COL4A3: variants seen among roughly 807,000 people sequenced by gnomAD.
COL4A3 encodes collagen alpha-3(IV) chain.
COL4A3 carries 135 observed loss-of-function variants against 217.4 expected under a neutral mutation model. The ratio of observed to expected loss-of-function variants is 0.62; its 90% CI spans 0.54 to 0.72. The LOEUF (loss-of-function observed/expected upper bound fraction) is 0.72. Among genes scored for constraint, COL4A3 ranks in the 30% least tolerant of loss-of-function variants. The pLI is 0.00. For synonymous variants in COL4A3, 690 were observed against 736.3 expected (o/e 0.94, Z 1.02); for missense variants, 1,868 against 2,119.9 (o/e 0.88, Z 2.33).
chr2:227,228,869 C>A (rs890073029), intron 1 of COL4A3, among the ~76,000 whole-genome samples: 1 of 152,158 alleles, frequency 6.6e-6, no homozygotes, highest in Non-Finnish European at 1.5e-5. Flanking sequence ...GATAAACCCT[C>A]AACTCAGGAG....
intron 3 of COL4A3, among the ~76,000 whole-genome samples, chr2:227,241,480 C>T (rs2069015905): frequency 6.6e-6 from 1 of 152,010 alleles, no homozygotes; most frequent in African/African-American, 2.4e-5. Flanking sequence ...TTGAGGTCAA[C>T]CTGGGCAACA....
At chr2:227,299,237 T>C (rs568548254) in intron 43 of COL4A3, among the ~76,000 whole-genome samples, 1 of 152,008 alleles carries the variant, frequency 6.6e-6, no homozygotes, top group Admixed American at 6.6e-5. Context: ...CTACTAAAAA[T>C]ACAAAAAATT....
At chr2:227,262,008 G>T (rs1230461475) in intron 20 of COL4A3, among the ~76,000 whole-genome samples, 1 of 152,124 alleles carries the variant, frequency 6.6e-6, no homozygotes, top group Non-Finnish European at 1.5e-5. Context: ...CTGGGCATGT[G>T]CCCTGCCACT....
Position 227,248,336 on chromosome 2 carries a change from C to T in COL4A3, c.469-107C>T, listed in dbSNP as rs780818056. The T allele has an allele frequency of 1.3e-5, 10 of 783,998 alleles. 1 individual carries two copies. Among genetic ancestry groups the T allele is most frequent in the South Asian group, 1.2e-4 (9 of 73,114 alleles). The allele number at this position is 783,998 out of a possible 1,614,324, so 48.6% of individuals were successfully genotyped here. ...ATAAATCATTTCTCTGAGTACATAA[C>T]TTGAAAAGCATTTTTATCTTTGAAG... is the stretch of plus-strand genomic sequence containing the variant. On this transcript the variant is annotated intron_variant, in intron 8 of 51. Coordinates refer to ENST00000396578, the MANE Select transcript of COL4A3 (RefSeq NM_000091.5).
chr2:227,210,382 G>T (rs2125785988), intron 1 of COL4A3, among the ~76,000 whole-genome samples: 1 of 152,270 alleles, frequency 6.6e-6, no homozygotes, highest in African/African-American at 2.4e-5. Context: ...CCTGAGGTCA[G>T]AAGTTCAAGA....
rs1396250551 is a variant in COL4A3 at position 227,270,865 on chromosome 2, G to A, written c.1671G>A (p.Gly557=). The A allele has an allele frequency of 6.2e-7, 1 of 1,614,202 alleles. No individual in the cohort carries two copies. The highest frequency in any genetic ancestry group is 8.5e-7 in the Non-Finnish European group (1 of 1,180,028). Residue 557 remains glycine (G), a synonymous_variant, in exon 25 of 52, where the codon GGG becomes GGA. Transcript: ENST00000396578. ...AAGTGGGTGTCCCAGGTGACCCGGG[G>A]CTCAGAGGCCAACCTGGGAGAAAGG... is the stretch of plus-strand genomic sequence containing the variant. ...EGQVGVPGDP[G]LRGQPGRKGL... is the part of the protein sequence containing the mutation.
chr2:227,229,811 G>A (rs147780966), intron 1 of COL4A3, among the ~76,000 whole-genome samples: 52 of 152,224 alleles, frequency 3.4e-4, no homozygotes, highest in African/African-American at 1.2e-3. Flanking sequence ...CACTGTGGGA[G>A]GCCAAGGTGA....
intron 26 of COL4A3, among the ~76,000 whole-genome samples, chr2:227,275,742 C>T (rs1387710012): frequency 6.6e-6 from 1 of 152,070 alleles, no homozygotes; most frequent in Non-Finnish European, 1.5e-5. Flanking sequence ...GAAAAGTGTC[C>T]AGGTTTACAA....
rs753433132 is a variant in COL4A3, at chr2:227,280,608, A to G, written c.2374+18A>G. The G allele has an allele frequency of 4.3e-6, 7 of 1,613,672 alleles. No individual in the cohort carries two copies. The highest frequency in any genetic ancestry group is 5.9e-6 in the Non-Finnish European group (7 of 1,179,760). ...ACCACGAGGTACAATAGCAAGTGTC[A>G]TTACTTTTCTCCACTGTGAGCTCTG... is the stretch of plus-strand genomic sequence containing the variant. On this transcript the variant is annotated intron_variant, in intron 30 of 51. Coordinates refer to ENST00000396578, the MANE Select transcript of COL4A3 (RefSeq NM_000091.5).
intron 3 of COL4A3, 79 bp downstream of exon 3, chr2:227,240,311 G>GGA (rs2068949252): frequency 7.4e-7 from 1 of 1,357,760 alleles, no homozygotes; most frequent in Non-Finnish European, 1.0e-6. Context: ...CTGCAAACCT[G>GGA]GAGAGAATTC....
chr2:227,292,673 T>C (rs1341388331), intron 37 of COL4A3, among the ~76,000 whole-genome samples: 1 of 152,232 alleles, frequency 6.6e-6, no homozygotes, highest in Non-Finnish European at 1.5e-5. Flanking sequence ...GATTGACATA[T>C]GTGCATGCAT....
Position 227,280,111 on chromosome 2 carries a change from T to C in COL4A3, c.2223+221T>C, listed in dbSNP as rs60539573. On this transcript the variant is annotated intron_variant, in intron 29 of 51. Transcript: ENST00000396578. ...GCAGATTTCATCGTGATATCATCTT[T>C]AATGGTTTCATAAATAATCAGAGTA... Among the ~76,000 whole-genome samples the C allele has an allele frequency of 0.06, 9,202 of 152,302 alleles. 401 individuals are homozygous for C. The highest frequency in any genetic ancestry group is 0.11 in the African/African-American group (4,450 of 41,548).
chr2:227,290,652 A>T, intron 36 of COL4A3, 95 bp from the exon 37 acceptor site: 1 of 1,226,746 alleles, frequency 8.2e-7, no homozygotes, highest in Non-Finnish European at 1.2e-6. Context: ...TGAAAAAGCC[A>T]TTCTTGGGAG....
chr2:227,237,065 T>C (rs1574650899), intron 1 of COL4A3, among the ~76,000 whole-genome samples: 1 of 152,184 alleles, frequency 6.6e-6, no homozygotes, highest in African/African-American at 2.4e-5. Context: ...GGAATGTGCA[T>C]AGGTGTGAGG....
At position 227,303,063 on chromosome 2, in the gene COL4A3, C is replaced by G. The variant is rs1158379307; in HGVS notation, c.3908C>G (p.Pro1303Arg). ...GGAGCACCAGGTACTCCAGGTCTTC[C>G]AGGACCCAGAGGTGATCCTGGATTC... ...RLGAPGTPGL[P>R]GPRGDPGFQG... The change falls in exon 44 of 52, where the codon CCA becomes CGA. Residue 1303 changes from proline (P) to arginine (R), a missense_variant. Physicochemically the swap from Pro to Arg is moderately radical, Grantham distance 103. This residue lies in a region of COL4A3 where 1,503 missense variants were observed against 1,786.1 expected (regional missense o/e 0.84). Transcript: ENST00000396578. The G allele has an allele frequency of 1.9e-6, 3 of 1,613,988 alleles. No individual in the cohort carries two copies. Among genetic ancestry groups the G allele is most frequent in the Non-Finnish European group, 2.5e-6 (3 of 1,179,906 alleles).
chr2:227,254,850 G>A lies in COL4A3; in HGVS notation c.888+135G>A, dbSNP rs1030786259. 6.9e-6 allele frequency: 5 copies of A among 722,502 alleles called. No homozygotes were observed. In the Admixed American group the frequency reaches 1.0e-4, roughly 15 times the overall value. 44.8% of individuals were successfully genotyped at this position (722,502 alleles called of 1,614,324 possible). On this transcript the variant is annotated intron_variant, in intron 15 of 51. Coordinates refer to ENST00000396578, the MANE Select transcript of COL4A3 (RefSeq NM_000091.5). ...CTGTTCTTTAAGATTTGGGAGGCAG[G>A]ATTTACTTACTCAAGTATCTAAGAC...
intron 32 of COL4A3, among the ~76,000 whole-genome samples, 162 bp from the exon 33 acceptor site, chr2:227,283,605 C>T (rs1036224830): frequency 6.6e-6 from 1 of 152,178 alleles, no homozygotes; most frequent in African/African-American, 2.4e-5. Context: ...GACCACTTAC[C>T]GACCCATCTC....
intron 36 of COL4A3, 125 bp downstream of exon 36, chr2:227,290,213 C>T (rs914313911): frequency 6.7e-6 from 6 of 898,248 alleles, no homozygotes; most frequent in Admixed American, 4.0e-5. Context: ...ACTAGATTTG[C>T]GGGGCCGGGC....
Position 227,195,665 on chromosome 2 carries a change from ATATGTG to A in COL4A3, c.87+30854_87+30859del, listed in dbSNP as rs1354116064. Among the ~76,000 whole-genome samples, 64 of 129,108 alleles carry A rather than the reference ATATGTG, an allele frequency of 5.0e-4. 1 individual carries two copies. Among genetic ancestry groups the A allele is most frequent in the African/African-American group, 5.5e-4 (18 of 32,948 alleles). The allele number at this position is 129,108 out of a possible 152,430, so 84.7% of individuals were successfully genotyped here. The stretch of plus-strand genomic sequence containing the variant: ...TAGAGTCTATGCCACATATATATAT[ATATGTG>A]TGTGTGTGTGTGTGTGTGTGTGTGT... On this transcript the variant is annotated intron_variant, in intron 1 of 51. Transcript: ENST00000396578.
Sources: gnomAD v4.1 joint callset for allele counts (sites outside exome capture counted in the v4.1 genomes callset) on GRCh38, gnomAD v4.1.1 for gene constraint, gnomAD v4.1.1 regional missense constraint, MANE v1.5 for transcripts, NCBI Gene and HGNC (gene_info 2026-07-23, HGNC 2026-07-21) for gene names.